The following ABR variants were observed in gnomAD, a reference collection of about 807,000 sequenced individuals.
The protein encoded by ABR is ABR activator of RhoGEF and GTPase.
In ABR, 35 loss-of-function variants were observed where a neutral mutation model predicts 107.2. The ratio of observed to expected loss-of-function variants is 0.33; its 90% CI spans 0.25 to 0.43. The LOEUF (loss-of-function observed/expected upper bound fraction) is 0.43, where lower values mean the gene tolerates loss of function less well. ABR is among the 20% of genes least tolerant of loss of function. ABR has a pLI of 1.00. For missense variants in ABR, 815 were observed against 1,115.2 expected (o/e 0.73, Z 3.83); for synonymous variants, 498 against 462.0 (o/e 1.08, Z -1.00).
At chr17:1,147,522 A>G (rs2040605559) in intron 1 of ABR, among the ~76,000 whole-genome samples, 1 of 151,878 alleles carries the variant, frequency 6.6e-6, no homozygotes, top group South Asian at 2.1e-4. Flanking sequence ...TACCACACTC[A>G]GCTAATTTTT....
intron 1 of ABR, among the ~76,000 whole-genome samples, chr17:1,166,764 C>T (rs1261382133): frequency 2.0e-5 from 3 of 152,154 alleles, no homozygotes; most frequent in Non-Finnish European, 4.4e-5. Flanking sequence ...CTTTGGGAGG[C>T]CGAGGCGGGC....
chr17:1,029,311 A>ACC (rs906858109), intron 16 of ABR, among the ~76,000 whole-genome samples: 4 of 149,760 alleles, frequency 2.7e-5, no homozygotes, highest in East Asian at 2.0e-4. Context: ...AACCACAGGG[A>ACC]CCCCCGCTGG....
intron 1 of ABR, among the ~76,000 whole-genome samples, chr17:1,135,245 C>T (rs553903562): frequency 3.9e-5 from 6 of 152,222 alleles, no homozygotes; most frequent in East Asian, 1.9e-4. Flanking sequence ...CTGAGAGCCT[C>T]GTGAGCTGAG....
chr17:1,025,345 TAA>T (rs1555536033), intron 16 of ABR, among the ~76,000 whole-genome samples: 2 of 151,854 alleles, frequency 1.3e-5, no homozygotes, highest in Non-Finnish European at 2.9e-5. Context: ...AATAAATAAA[TAA>T]ACAGTGTGAA....
chr17:1,198,607 G>A (rs28501243), intron 1 of ABR, among the ~76,000 whole-genome samples: 8,878 of 150,884 alleles, frequency 0.059, 774 homozygotes, highest in African/African-American at 0.15. Context: ...CAGGCGTGGC[G>A]GTGTACACCT....
intron 21 of ABR, among the ~76,000 whole-genome samples, chr17:1,007,706 G>C (rs540691485): frequency 7.3e-4 from 111 of 152,340 alleles, no homozygotes; most frequent in African/African-American, 2.5e-3. Context: ...TGTAGATGAA[G>C]AAACCGAAGT....
At position 1,007,991 on chromosome 17, in the gene ABR, C is replaced by T. The variant is rs982547561; in HGVS notation, c.2343-679G>A. Reference sequence around the variant, plus strand: ...TGAGCCCGGGGACTGTCCCCCCGTGCCTGTCCGGAAAGGTCGGCCTCGTGG... The same window carrying T: ...TGAGCCCGGGGACTGTCCCCCCGTGTCTGTCCGGAAAGGTCGGCCTCGTGG... On this transcript the variant is annotated intron_variant, in intron 21 of 22. Coordinates refer to ENST00000302538, the MANE Select transcript of ABR (RefSeq NM_021962.5). Among the ~76,000 whole-genome samples, 12 of 152,242 alleles carry T rather than the reference C, an allele frequency of 7.9e-5. 1 individual carries two copies. Among genetic ancestry groups the T allele is most frequent in the African/African-American group, 2.2e-4 (9 of 41,468 alleles).
At chr17:1,216,273 G>A (rs374917642) in intron 1 of ABR, among the ~76,000 whole-genome samples, 7 of 152,248 alleles carry the variant, frequency 4.6e-5, no homozygotes, top group Admixed American at 6.5e-5. Flanking sequence ...ACAAATCTGC[G>A]AGGTAGGGAA....
intron 1 of ABR, among the ~76,000 whole-genome samples, chr17:1,206,679 G>A (rs187265779): frequency 1.5e-3 from 234 of 152,314 alleles, no homozygotes; most frequent in African/African-American, 5.4e-3. Context: ...CTTGAGTCCA[G>A]GAGTTTGAGG....
chr17:1,106,845 C>T (rs958129937), intron 2 of ABR, among the ~76,000 whole-genome samples: 4 of 152,166 alleles, frequency 2.6e-5, no homozygotes, highest in African/African-American at 7.2e-5. Flanking sequence ...TGCCTACTTC[C>T]GTACTCTATT....
At chr17:1,133,113 T>A (rs1031646630) in intron 1 of ABR, among the ~76,000 whole-genome samples, 7 of 152,118 alleles carry the variant, frequency 4.6e-5, no homozygotes, top group Non-Finnish European at 1.0e-4. Flanking sequence ...TGGTAGCACA[T>A]GCCTATAATC....
At chr17:1,193,695 T>G (rs1406300919) in intron 1 of ABR, among the ~76,000 whole-genome samples, 1 of 150,058 alleles carries the variant, frequency 6.7e-6, no homozygotes, top group Non-Finnish European at 1.5e-5. Context: ...TGTGTGTTTT[T>G]ATGTTTGAGA....
intron 16 of ABR, 118 bp from the exon 17 acceptor site, chr17:1,013,282 C>G: frequency 1.0e-6 from 1 of 983,230 alleles, no homozygotes; most frequent in Non-Finnish European, 1.6e-6. Context: ...AAGTGAGCAG[C>G]TGGGATAAGC....
chr17:1,074,138 ACG>A (rs1460572156), intron 6 of ABR, among the ~76,000 whole-genome samples: 82 of 145,360 alleles, frequency 5.6e-4, no homozygotes, highest in African/African-American at 2.0e-3. Flanking sequence ...CACCTGCCAC[ACG>A]CAGGACCCCA....
At chr17:1,012,602 G>C in intron 18 of ABR, 86 bp downstream of exon 18, 1 of 973,688 alleles carries the variant, frequency 1.0e-6, no homozygotes, top group Non-Finnish European at 1.6e-6. Context: ...GCCAGGATGG[G>C]CACCGGCGGG....
rs1366819963 is a variant in ABR, at chr17:1,194,612, T to C, written c.838+34181A>G. ...GCTCAAGCCATCCCCCTGCCTCAAC[T>C]TCTTGCATAGCTAGGACTACAGGCA... is the stretch of plus-strand genomic sequence containing the variant. On this transcript the variant is annotated intron_variant, in intron 1 of 22. Transcript: ENST00000574139. Among the ~76,000 whole-genome samples, 16 of 126,890 alleles carry C rather than the reference T, an allele frequency of 1.3e-4. 4 individuals are homozygous for C. The allele number at this position is 126,890 out of a possible 152,430, so 83.2% of individuals were successfully genotyped here.
chr17:1,105,867 A>G (rs1313598765), intron 2 of ABR, among the ~76,000 whole-genome samples: 1 of 141,974 alleles, frequency 7.0e-6, no homozygotes, highest in African/African-American at 2.6e-5. Flanking sequence ...CTCTGTCTCA[A>G]AAGAAAAAAA....
intron 16 of ABR, among the ~76,000 whole-genome samples, chr17:1,042,824 C>T (rs900993589): frequency 7.9e-5 from 12 of 152,162 alleles, no homozygotes; most frequent in South Asian, 6.2e-4. Flanking sequence ...CCTACATCCA[C>T]GGACGGACGG....
chr17:1,174,746 C>G (rs2041862017), intron 1 of ABR, among the ~76,000 whole-genome samples: 1 of 152,136 alleles, frequency 6.6e-6, no homozygotes, highest in Non-Finnish European at 1.5e-5. Flanking sequence ...TGTTTGACAC[C>G]AGGACTAAAT....
Sources: gnomAD v4.1 joint callset for allele counts (sites outside exome capture counted in the v4.1 genomes callset) on GRCh38, gnomAD v4.1.1 for gene constraint, MANE v1.5 for transcripts, NCBI Gene and HGNC (gene_info 2026-07-23, HGNC 2026-07-21) for gene names.